The following SMARCA2 variants were observed in gnomAD, a reference collection of about 807,000 sequenced individuals.
SMARCA2 encodes SWI/SNF-related matrix-associated actin-dependent regulator of chromatin subfamily A member 2.
A neutral mutation model predicts 199.8 loss-of-function variants in SMARCA2; 61 were observed. The ratio of observed to expected loss-of-function variants is 0.31; its 90% CI spans 0.25 to 0.38. SMARCA2 has a LOEUF of 0.38. SMARCA2 is among the 10% of genes least tolerant of loss of function. The pLI is 1.00. For synonymous variants in SMARCA2, 935 were observed against 732.0 expected (o/e 1.28, Z -4.48); for missense variants, 1,344 against 2,012.2 (o/e 0.67, Z 6.35).
At chr9:2,144,058 G>A (rs1824595912) in intron 27 of SMARCA2, among the ~76,000 whole-genome samples, 2 of 152,024 alleles carry the variant, frequency 1.3e-5, no homozygotes, top group Admixed American at 1.3e-4. Context: ...TTTTCATAGG[G>A]GAGCCGGGAG....
intron 27 of SMARCA2, among the ~76,000 whole-genome samples, chr9:2,157,488 A>G (rs1690297251): frequency 6.6e-6 from 1 of 152,224 alleles, no homozygotes; most frequent in African/African-American, 2.4e-5. Context: ...GAGGATCCCC[A>G]GAGGGAGAAA....
chr9:2,086,685 T>C lies in SMARCA2; in HGVS notation c.2527-144T>C. On this transcript the variant is annotated intron_variant, in intron 17 of 33. Transcript: ENST00000349721. This position sits in a 1 kb window ranked among gnomAD's most constrained non-coding sequence, Gnocchi z 4.3. ...CGGCCTATCAGGCATGAGACATTGTTGAGATTCCCTTGTCTCAAAGGTAAT... is the reference window on the plus strand; with the variant it reads ...CGGCCTATCAGGCATGAGACATTGTCGAGATTCCCTTGTCTCAAAGGTAAT... 1.2e-6 allele frequency: 1 copy of C among 824,744 alleles called. No homozygotes were observed. Among genetic ancestry groups the C allele is most frequent in the Non-Finnish European group, 1.9e-6 (1 of 513,710 alleles). 51.1% of individuals were successfully genotyped at this position (824,744 alleles called of 1,614,324 possible).
intron 24 of SMARCA2, among the ~76,000 whole-genome samples, chr9:2,111,053 T>C (rs891832315): frequency 6.6e-6 from 1 of 151,972 alleles, no homozygotes; most frequent in Non-Finnish European, 1.5e-5. Flanking sequence ...TTTGTTTTTT[T>C]TTTTTTAAAT....
intron 26 of SMARCA2, among the ~76,000 whole-genome samples, chr9:2,120,779 C>G (rs149543008): frequency 6.6e-6 from 1 of 152,064 alleles, no homozygotes; most frequent in Admixed American, 6.5e-5. Flanking sequence ...CCTCCGTCCC[C>G]GAAATGAACC....
intron 29 of SMARCA2, among the ~76,000 whole-genome samples, chr9:2,172,821 C>T (rs938530606): frequency 2.6e-5 from 4 of 151,358 alleles, no homozygotes; most frequent in Non-Finnish European, 5.9e-5. Context: ...AGGGAGCCGA[C>T]ATCAGCCCTG....
intron 29 of SMARCA2, among the ~76,000 whole-genome samples, chr9:2,171,908 A>G (rs1490203647): frequency 1.3e-5 from 2 of 152,206 alleles, no homozygotes; most frequent in African/African-American, 4.8e-5. Flanking sequence ...TATTTATTGC[A>G]AGTCCCCAGT....
Position 2,104,216 on chromosome 9 carries a change from AAGGGATAATGGGCACTT to A in SMARCA2, c.3292+51_3292+67del. ...CTCGGAAGCCATACTACTGAAAATG[AAGGGATAATGGGCACTT>A]AGGTCCAATCTCAGCCAAAAAGAAG... is the stretch of plus-strand genomic sequence containing the variant. On this transcript the variant is annotated intron_variant, in intron 23 of 33. Transcript: ENST00000349721. This position sits in a 1 kb window ranked among gnomAD's most constrained non-coding sequence, Gnocchi z 4.0. 1.3e-6 allele frequency: 2 copies of A among 1,542,862 alleles called. No homozygotes were observed. Among genetic ancestry groups the A allele is most frequent in the Non-Finnish European group, 1.8e-6 (2 of 1,123,496 alleles).
intron 8 of SMARCA2, among the ~76,000 whole-genome samples, chr9:2,059,003 G>A (rs1401348634): frequency 1.3e-5 from 2 of 152,104 alleles, no homozygotes; most frequent in South Asian, 2.1e-4. Context: ...TGATAGCCTT[G>A]TTATGGTCAA....
intron 30 of SMARCA2, 151 bp from the exon 31 acceptor site, chr9:2,181,990 A>C (rs1827064008): frequency 1.8e-5 from 12 of 675,254 alleles, no homozygotes; most frequent in Non-Finnish European, 2.9e-5. Flanking sequence ...GACTTGGTGA[A>C]TGGCGCCCCC....
intron 24 of SMARCA2, among the ~76,000 whole-genome samples, chr9:2,111,748 C>T (rs3793495): frequency 0.13 from 19,226 of 151,938 alleles, 1,699 homozygotes; most frequent in East Asian, 0.33. Flanking sequence ...TCCCTGCCAC[C>T]GCACCCCAGT....
Position 2,144,362 on chromosome 9 carries a change from T to C in SMARCA2, c.3982-17324T>C, listed in dbSNP as rs78146204. Among the ~76,000 whole-genome samples the C allele has an allele frequency of 4.1e-3, 617 of 152,188 alleles. 1 individual carries two copies. Among genetic ancestry groups the C allele is most frequent in the Non-Finnish European group, 7.4e-3 (502 of 67,986 alleles). ...TGAGGAAATTCCAGAGCAAGTCCGT[T>C]CTTGTGTCCTTCGCTGGATGGGGGT... On this transcript the variant is annotated intron_variant, in intron 27 of 33. Transcript: ENST00000349721.
chr9:2,124,411 T>A (rs1361840386), intron 27 of SMARCA2, among the ~76,000 whole-genome samples: 1 of 152,238 alleles, frequency 6.6e-6, no homozygotes, highest in African/African-American at 2.4e-5. Context: ...GTTTTCTAAC[T>A]GTGTGGTTAT....
At chr9:2,160,552 T>C in intron 27 of SMARCA2, 1 of 699,576 alleles carries the variant, frequency 1.4e-6, no homozygotes, top group Non-Finnish European at 2.6e-6. Context: ...GTAATCACTC[T>C]TTATATTGAT....
chr9:2,162,344 T>C (rs1273046271), intron 28 of SMARCA2, among the ~76,000 whole-genome samples: 1 of 152,332 alleles, frequency 6.6e-6, no homozygotes. Flanking sequence ...TCATAGTAAA[T>C]ACAGTTTCTC....
Position 2,170,590 on chromosome 9 carries a change from C to T in SMARCA2, c.4253+118C>T. On this transcript the variant is annotated intron_variant, in intron 29 of 33. Coordinates refer to ENST00000349721, the MANE Select transcript of SMARCA2 (RefSeq NM_003070.5). This position sits in a 1 kb window ranked among gnomAD's most constrained non-coding sequence, Gnocchi z 4.7. ...AATTTCTTCGGTCACCTCCTGATCA[C>T]CCCTACTTGGAGAGCGGGATAGAGG... The T allele has an allele frequency of 6.5e-7, 1 of 1,530,288 alleles. No homozygotes were observed. Among genetic ancestry groups the T allele is most frequent in the Admixed American group, 1.7e-5 (1 of 58,036 alleles). The allele number at this position is 1,530,288 out of a possible 1,614,324, so 94.8% of individuals were successfully genotyped here.
At position 2,047,389 on chromosome 9, in the gene SMARCA2, C is replaced by T. The variant is rs1819911716; in HGVS notation, c.951C>T (p.Pro317=). 17 of 1,583,590 alleles carry T rather than the reference C, an allele frequency of 1.1e-5. No homozygotes were observed. The highest frequency in any genetic ancestry group is 1.4e-5 in the African/African-American group (1 of 72,846). ...AGCCGGCCCCGGGGCAGCCCTCGCC[C>T]GTCCTCCAGCTGCAGCAGAAGCAGA... ...VPQPAPGQPS[P]VLQLQQKQSR... The change falls in exon 5 of 34, where the codon CCC becomes CCT. Residue 317 remains proline (P), a synonymous_variant. Coordinates refer to ENST00000349721, the MANE Select transcript of SMARCA2 (RefSeq NM_003070.5).
chr9:2,083,798 C>T (rs1220072063), intron 16 of SMARCA2, among the ~76,000 whole-genome samples: 4 of 152,200 alleles, frequency 2.6e-5, no homozygotes, highest in African/African-American at 4.8e-5. Context: ...GAACTGGAGC[C>T]TTTCAGCAGA....
chr9:2,167,302 T>G (rs1254205930), intron 28 of SMARCA2, among the ~76,000 whole-genome samples: 2 of 152,248 alleles, frequency 1.3e-5, no homozygotes, highest in African/African-American at 4.8e-5. Context: ...TTTTCAAATC[T>G]GAGCATTGTT....
chr9:2,188,586 G>A (rs1240589579), intron 32 of SMARCA2, among the ~76,000 whole-genome samples: 1 of 152,172 alleles, frequency 6.6e-6, no homozygotes, highest in Non-Finnish European at 1.5e-5. Context: ...TCAAAGAGCT[G>A]CTCTCTTCCC....
Sources: gnomAD v4.1 joint callset for allele counts (sites outside exome capture counted in the v4.1 genomes callset) on GRCh38, gnomAD v4.1.1 for gene constraint, Gnocchi (gnomAD v3.1) non-coding constraint, MANE v1.5 for transcripts, NCBI Gene and HGNC (gene_info 2026-07-23, HGNC 2026-07-21) for gene names.